AEBP2: variants seen among roughly 807,000 people sequenced by gnomAD.
AEBP2 encodes the protein zinc finger protein AEBP2.
Under a neutral mutation model 50.8 loss-of-function variants are expected in AEBP2, and 10 were observed. The observed-to-expected ratio is 0.20, with a 90% confidence interval of 0.12 to 0.33. AEBP2 has a LOEUF of 0.33. Among genes scored for constraint, AEBP2 ranks in the 10% least tolerant of loss-of-function variants. The probability of loss-of-function intolerance (pLI) is 1.00; values close to 1 mark genes in which losing one functional copy is unlikely to be tolerated. For synonymous variants in AEBP2, 296 were observed against 261.3 expected (o/e 1.13, Z -1.28); for missense variants, 570 against 688.0 (o/e 0.83, Z 1.92).
At chr12:19,464,403 T>C (rs12817772) in intron 2 of AEBP2, among the ~76,000 whole-genome samples, 13,708 of 152,150 alleles carry the variant, frequency 0.09, 699 homozygotes, top group Middle Eastern at 0.15. Context: ...ATGAGCTATT[T>C]GGAAGATCAC....
At chr12:19,504,416 T>A (rs1185472200) in intron 5 of AEBP2, among the ~76,000 whole-genome samples, 1 of 151,486 alleles carries the variant, frequency 6.6e-6, no homozygotes, top group Non-Finnish European at 1.5e-5. Context: ...TTTTTGTATT[T>A]TTTTTAGTAG....
chr12:19,437,632 C>G (rs949418122), upstream of AEBP2, among the ~76,000 whole-genome samples: 1 of 152,176 alleles, frequency 6.6e-6, no homozygotes, highest in African/African-American at 2.4e-5. Context: ...TATAAGCCAC[C>G]CTGCCGGCCT....
Position 19,520,953 on chromosome 12 carries a change from A to G in AEBP2, c.*2836A>G, listed in dbSNP as rs1949388472. 1 of 152,206 alleles carries G rather than the reference A, an allele frequency of 6.6e-6. No homozygotes were observed. 9.4% of individuals were successfully genotyped at this position (152,206 alleles called of 1,614,324 possible). A position where few individuals can be genotyped will look rare whatever the true frequency, so the allele number is the denominator to read the frequency against. On this transcript the variant is annotated 3_prime_UTR_variant, in exon 8 of 8. Transcript: ENST00000266508. ...TGCACAAAATTATTAAAACTGTTGT[A>G]TAAAATTACCTTCAGTCTATGTGTA...
At chr12:19,467,617 C>T (rs1432072012) in intron 2 of AEBP2, among the ~76,000 whole-genome samples, 1 of 152,152 alleles carries the variant, frequency 6.6e-6, no homozygotes, top group Non-Finnish European at 1.5e-5. Flanking sequence ...CTATGTGTGA[C>T]TGGTTTCTGA....
intron 1 of AEBP2, among the ~76,000 whole-genome samples, chr12:19,427,842 C>T (rs944867819): frequency 3.9e-5 from 6 of 152,016 alleles, no homozygotes; most frequent in African/African-American, 1.5e-4. Flanking sequence ...TCCTCAGAGC[C>T]TCCGTTTTCT....
rs1565715052 is a variant in AEBP2 at position 19,462,731 on chromosome 12, TTTC to T, written c.879+17_879+19del. 6.4e-6 allele frequency: 10 copies of T among 1,569,494 alleles called. No individual in the cohort carries two copies. Among genetic ancestry groups the T allele is most frequent in the Non-Finnish European group, 8.7e-6 (10 of 1,151,264 alleles). On this transcript the variant is annotated intron_variant, in intron 2 of 7. Transcript: ENST00000266508. ...CAGCGAGGAGGGGTTGGTTTTGTCA[TTTC>T]TTTTTTTCGCTCCCTGTTTTCGTTA...
At chr12:19,492,859 A>C (rs10841239) in intron 3 of AEBP2, among the ~76,000 whole-genome samples, 62,595 of 151,714 alleles carry the variant, frequency 0.41, 14,420 homozygotes, top group Non-Finnish European at 0.54. Context: ...TGCCTATAGT[A>C]CCACCACCTG....
chr12:19,450,608 T>C (rs1415900186), intron 1 of AEBP2, among the ~76,000 whole-genome samples: 2 of 139,184 alleles, frequency 1.4e-5, no homozygotes, highest in African/African-American at 5.5e-5. Context: ...GGAGGGAGGA[T>C]AGCTTCAACC....
chr12:19,454,153 G>T (rs1948218967), intron 1 of AEBP2, among the ~76,000 whole-genome samples: 1 of 152,124 alleles, frequency 6.6e-6, no homozygotes, highest in Non-Finnish European at 1.5e-5. Flanking sequence ...GCCTCTCAAA[G>T]TGCTGGGATT....
intron 1 of AEBP2, among the ~76,000 whole-genome samples, chr12:19,456,075 A>C (rs1433071226): frequency 6.6e-5 from 10 of 152,202 alleles, no homozygotes; most frequent in African/African-American, 2.4e-4. Context: ...CGCAAAAAAG[A>C]AAACCAAAGT....
chr12:19,413,594 G>A, intron 1 of AEBP2: 1 of 594,410 alleles, frequency 1.7e-6, no homozygotes. Flanking sequence ...TAAAAAAAAA[G>A]AAATAAAAGA....
At chr12:19,469,989 T>C (rs537810620) in intron 2 of AEBP2, among the ~76,000 whole-genome samples, 1 of 152,176 alleles carries the variant, frequency 6.6e-6, no homozygotes, top group Non-Finnish European at 1.5e-5. Flanking sequence ...GGAGAGTTTC[T>C]AAAAATAGCA....
chr12:19,484,597 T>C (rs1017107658), intron 3 of AEBP2, among the ~76,000 whole-genome samples: 1 of 152,000 alleles, frequency 6.6e-6, no homozygotes, highest in African/African-American at 2.4e-5. Flanking sequence ...ATGGTCTCGA[T>C]CTCTTGACCT....
intron 5 of AEBP2, among the ~76,000 whole-genome samples, chr12:19,508,197 CT>C (rs899619080): frequency 2.0e-4 from 30 of 152,124 alleles, no homozygotes; most frequent in Admixed American, 9.8e-4. Flanking sequence ...TGACTACAGA[CT>C]TTTTTTGTTG....
At chr12:19,480,403 C>T (rs1276133397) in intron 3 of AEBP2, among the ~76,000 whole-genome samples, 1 of 152,170 alleles carries the variant, frequency 6.6e-6, no homozygotes, top group Admixed American at 6.5e-5. Context: ...CTGCGCCCTG[C>T]CAAGGAGGTT....
At chr12:19,497,677 T>C (rs760982547) in intron 4 of AEBP2, among the ~76,000 whole-genome samples, 3 of 152,158 alleles carry the variant, frequency 2.0e-5, no homozygotes, top group Non-Finnish European at 4.4e-5. Context: ...TTTACCATGT[T>C]GGCCACCAAG....
intron 1 of AEBP2, among the ~76,000 whole-genome samples, chr12:19,412,003 C>A (rs921299693): frequency 1.3e-5 from 2 of 152,242 alleles, no homozygotes; most frequent in Non-Finnish European, 2.9e-5. Flanking sequence ...GCATGAATCA[C>A]CAGACTCCTG....
rs1244159366 is a variant in AEBP2 at position 19,500,238 on chromosome 12, T to C, written c.1299+17T>C. 6 of 1,433,604 alleles carry C rather than the reference T, an allele frequency of 4.2e-6. No homozygotes were observed. The highest frequency in any genetic ancestry group is 5.5e-6 in the Non-Finnish European group (6 of 1,085,482). 88.8% of individuals were successfully genotyped at this position (1,433,604 alleles called of 1,614,324 possible). On this transcript the variant is annotated intron_variant, in intron 5 of 7. Transcript: ENST00000266508. ...CATAGTACTGTAAGTATTCTTTTAT[T>C]TTTTCAAATTAAATATAAAACTTTG...
chr12:19,452,427 A>G lies in AEBP2; in HGVS notation c.672-10083A>G, dbSNP rs543817933. Among the ~76,000 whole-genome samples, 28 of 152,366 alleles carry G rather than the reference A, an allele frequency of 1.8e-4. No homozygotes were observed. The East Asian group carries it at 4.0e-3, about 22-fold the overall frequency. On this transcript the variant is annotated intron_variant, in intron 1 of 7. Transcript: ENST00000266508. ...TAGAGTGCCTTTTGCTATTTTATAT[A>G]GTAGGTTACATAATTGCTTTTTTCC...
Sources: gnomAD v4.1 joint callset for allele counts (sites outside exome capture counted in the v4.1 genomes callset) on GRCh38, gnomAD v4.1.1 for gene constraint, MANE v1.5 for transcripts, NCBI Gene and HGNC (gene_info 2026-07-23, HGNC 2026-07-21) for gene names.